The following DCLK2 variants were observed in gnomAD, a reference collection of about 807,000 sequenced individuals.
DCLK2 encodes the protein serine/threonine-protein kinase DCLK2.
A neutral mutation model predicts 78.4 loss-of-function variants in DCLK2; 31 were observed. The observed-to-expected ratio is 0.40, with a 90% CI of 0.30 to 0.53. The LOEUF is 0.53. Ranked by LOEUF, DCLK2 falls within the 20% of genes least tolerant of loss-of-function variation. DCLK2 has a pLI of 0.61. For missense variants in DCLK2, 872 were observed against 973.7 expected, an observed-to-expected ratio of 0.90 and a Z score of 1.39; for synonymous variants, 407 against 374.9, an observed-to-expected ratio of 1.09 and a Z score of -0.99.
At chr4:150,162,447 C>CAT (rs1434583036) in intron 2 of DCLK2, among the ~76,000 whole-genome samples, 2 of 152,096 alleles carry the variant, frequency 1.3e-5, no homozygotes, top group Non-Finnish European at 2.9e-5. Flanking sequence ...TATTATCTTC[C>CAT]ATATATATTT....
At chr4:150,139,483 A>C (rs1239710416) in intron 2 of DCLK2, among the ~76,000 whole-genome samples, 1 of 152,222 alleles carries the variant, frequency 6.6e-6, no homozygotes, top group Non-Finnish European at 1.5e-5. Context: ...GGTTAGCCAC[A>C]GCATATTGTG....
At chr4:150,207,450 C>T (rs1020227275) in intron 5 of DCLK2, among the ~76,000 whole-genome samples, 1 of 152,102 alleles carries the variant, frequency 6.6e-6, no homozygotes, top group Admixed American at 6.5e-5. Flanking sequence ...TATGTTTAAT[C>T]TCTGATCATG....
Position 150,079,168 on chromosome 4 carries a change from T to A in DCLK2, c.141T>A (p.Ser47Arg). The A allele has an allele frequency of 6.2e-7, 1 of 1,608,448 alleles. No individual in the cohort carries two copies. Among genetic ancestry groups the A allele is most frequent in the Non-Finnish European group, 8.5e-7 (1 of 1,177,380 alleles). The change falls in exon 1 of 16, where the codon AGT (serine) becomes AGA (arginine). Residue 47 changes from serine to arginine, a missense_variant. This residue lies in a region of DCLK2 where 567 missense variants were observed against 593.4 expected (regional missense o/e 0.96). Transcript: ENST00000296550. ...CCAAGGGGAACGGGCTCATCCCCAG[T>A]CCGGCGCACAGTGCCCACTGCAGCT... The part of the protein sequence containing the change: ...SGPKGNGLIP[S>R]PAHSAHCSFY...
At chr4:150,171,094 T>G (rs1736494939) in intron 2 of DCLK2, among the ~76,000 whole-genome samples, 1 of 152,252 alleles carries the variant, frequency 6.6e-6, no homozygotes. Flanking sequence ...CAATGGTAAC[T>G]TCTAAGTCTA....
chr4:150,103,580 A>T (rs1731030909), intron 2 of DCLK2, among the ~76,000 whole-genome samples: 1 of 133,710 alleles, frequency 7.5e-6, no homozygotes, highest in Non-Finnish European at 1.7e-5. Context: ...TATTAAAATT[A>T]TAGTTTCCAA....
At chr4:150,081,792 G>T (rs972641349) in intron 1 of DCLK2, among the ~76,000 whole-genome samples, 1 of 148,680 alleles carries the variant, frequency 6.7e-6, no homozygotes, top group African/African-American at 2.5e-5. Context: ...AGGAGTTCGA[G>T]ACCAGCCTGA....
chr4:150,235,908 C>T (rs1466614819), intron 10 of DCLK2, among the ~76,000 whole-genome samples: 1 of 152,192 alleles, frequency 6.6e-6, no homozygotes, highest in Non-Finnish European at 1.5e-5. Context: ...GTAGCTGTGT[C>T]AGGGAGCACA....
chr4:150,226,863 A>T (rs996503551), intron 8 of DCLK2, among the ~76,000 whole-genome samples: 1 of 152,192 alleles, frequency 6.6e-6, no homozygotes, highest in African/African-American at 2.4e-5. Flanking sequence ...TTTAGAAAAA[A>T]ATTATATAGA....
rs372910503 is a variant in DCLK2 at position 150,234,862 on chromosome 4, C to T, written c.1566+2034C>T. Among the ~76,000 whole-genome samples, 10 of 152,128 alleles carry T rather than the reference C, an allele frequency of 6.6e-5. No homozygotes were observed. In the South Asian group the frequency reaches 1.0e-3, roughly 16 times the overall value. On this transcript the variant is annotated intron_variant, in intron 10 of 15. Transcript: ENST00000296550. Reference sequence around the variant, plus strand: ...GAGGAAAGTTAGGATATGGCGTTCTCTCCTCAAAACAGGCTTCTCGCCCAT... The same window carrying T: ...GAGGAAAGTTAGGATATGGCGTTCTTTCCTCAAAACAGGCTTCTCGCCCAT...
chr4:150,103,612 C>A (rs1731033980), intron 2 of DCLK2, among the ~76,000 whole-genome samples: 1 of 152,002 alleles, frequency 6.6e-6, no homozygotes, highest in Non-Finnish European at 1.5e-5. Context: ...TTTCTTTGTT[C>A]CATTTTGCCT....
In DCLK2 at chr4:150,244,304, C is replaced by A. The variant is rs535521983; in HGVS notation, c.1779-3299C>A. ...GAAGTAGATTGGTTTTTCAGAGGCACCCAAAATTTTAGTTGTTGTCTAAGC... is the reference window on the plus strand; with the variant it reads ...GAAGTAGATTGGTTTTTCAGAGGCAACCAAAATTTTAGTTGTTGTCTAAGC... On this transcript the variant is annotated intron_variant, in intron 12 of 15. Transcript: ENST00000296550. Among the ~76,000 whole-genome samples the A allele has an allele frequency of 2.0e-5, 3 of 152,136 alleles. No homozygotes were observed. In the East Asian group the frequency reaches 5.8e-4, roughly 29 times the overall value.
At chr4:150,231,515 T>C (rs1296230600) in intron 8 of DCLK2, among the ~76,000 whole-genome samples, 2 of 152,234 alleles carry the variant, frequency 1.3e-5, no homozygotes, top group African/African-American at 4.8e-5. Flanking sequence ...AAAATACATG[T>C]ACACATGTTG....
chr4:150,237,550 A>G (rs1025670300), intron 10 of DCLK2, among the ~76,000 whole-genome samples: 14 of 152,216 alleles, frequency 9.2e-5, no homozygotes, highest in African/African-American at 3.4e-4. Flanking sequence ...TAAATGGATA[A>G]GGACATCACA....
At chr4:150,145,916 A>G (rs560666839) in intron 2 of DCLK2, among the ~76,000 whole-genome samples, 1 of 152,364 alleles carries the variant, frequency 6.6e-6, no homozygotes, top group African/African-American at 2.4e-5. Flanking sequence ...TATTCTACCA[A>G]AAACACAGAA....
chr4:150,249,015 C>T (rs953660581), intron 14 of DCLK2, among the ~76,000 whole-genome samples: 13 of 152,188 alleles, frequency 8.5e-5, no homozygotes, highest in Admixed American at 3.9e-4. Flanking sequence ...TTGTTGACTC[C>T]GGTTGGGAAG....
chr4:150,234,992 A>G (rs1365588499), intron 10 of DCLK2, among the ~76,000 whole-genome samples: 2 of 152,176 alleles, frequency 1.3e-5, no homozygotes, highest in Non-Finnish European at 2.9e-5. Flanking sequence ...AGACACAAAC[A>G]CTGGGGCATT....
At chr4:150,124,649 CA>C (rs1326040940) in intron 2 of DCLK2, among the ~76,000 whole-genome samples, 1 of 152,102 alleles carries the variant, frequency 6.6e-6, no homozygotes, top group Non-Finnish European at 1.5e-5. Flanking sequence ...AAAGTTTTTA[CA>C]AAAACCAAAA....
chr4:150,244,891 A>C (rs971042230), intron 12 of DCLK2, among the ~76,000 whole-genome samples: 2 of 152,104 alleles, frequency 1.3e-5, no homozygotes, highest in African/African-American at 4.8e-5. Context: ...CTGTGCACAC[A>C]CTTCCAGCTT....
intron 2 of DCLK2, among the ~76,000 whole-genome samples, chr4:150,175,191 T>TTATATATATTTA (rs747681195): frequency 1.5e-5 from 1 of 67,970 alleles, no homozygotes; most frequent in Non-Finnish European, 2.9e-5. Context: ...TATTTATAAT[T>TTATATATATTTA]TATCTATATA....
Sources: allele counts gnomAD v4.1 joint callset (sites outside exome capture counted in the v4.1 genomes callset), GRCh38; gene constraint gnomAD v4.1.1; regional missense constraint gnomAD v4.1.1; transcripts MANE v1.5; gene names NCBI Gene and HGNC (gene_info 2026-07-23, HGNC 2026-07-21).